Variants in CRACDL observed in about 807,000 individuals in gnomAD.
CRACDL encodes the protein CRACD-like protein.
In CRACDL, 26 loss-of-function variants were observed where a neutral mutation model predicts 70.6. The observed-to-expected ratio is 0.37, with a 90% CI of 0.27 to 0.51. The LOEUF is 0.51. Among genes scored for constraint, CRACDL ranks in the 20% least tolerant of loss-of-function variants. CRACDL has a pLI of 0.94. For missense variants in CRACDL, 1,283 were observed against 1,376.9 expected, an observed-to-expected ratio of 0.93 and a Z score of 1.08; for synonymous variants, 618 against 615.2, an observed-to-expected ratio of 1.00 and a Z score of -0.07.
chr2:98,934,323 C>T (rs1709155851), intron 1 of CRACDL, among the ~76,000 whole-genome samples: 1 of 151,728 alleles, frequency 6.6e-6, no homozygotes, highest in African/African-American at 2.4e-5. Flanking sequence ...CTCGGCCTCC[C>T]GAGTAGCTGG....
chr2:98,826,792 C>T (rs1169765274), intron 6 of CRACDL, among the ~76,000 whole-genome samples, 183 bp downstream of exon 6: 1 of 151,932 alleles, frequency 6.6e-6, no homozygotes, highest in Non-Finnish European at 1.5e-5. Flanking sequence ...AAGGGAGAGA[C>T]AGATCTGGTT....
chr2:98,877,606 G>A (rs192189818), intron 1 of CRACDL, among the ~76,000 whole-genome samples: 201 of 152,084 alleles, frequency 1.3e-3, no homozygotes, highest in Admixed American at 2.4e-3. Context: ...AAAATTAGCC[G>A]GGTATGGTGG....
At chr2:98,802,685 T>G (rs761826031) in intron 7 of CRACDL, among the ~76,000 whole-genome samples, 1 of 152,362 alleles carries the variant, frequency 6.6e-6, no homozygotes, top group East Asian at 1.9e-4. Context: ...ACTTCTGCTA[T>G]GACGAGTTGA....
At chr2:98,911,246 G>A (rs1708541277) in intron 1 of CRACDL, among the ~76,000 whole-genome samples, 1 of 152,216 alleles carries the variant, frequency 6.6e-6, no homozygotes, top group Admixed American at 6.5e-5. Context: ...GCTCAAGCGA[G>A]ACTGCTGGGT....
chr2:98,797,110 C>T (rs1703856017), intron 8 of CRACDL, among the ~76,000 whole-genome samples: 1 of 152,242 alleles, frequency 6.6e-6, no homozygotes, highest in Admixed American at 6.5e-5. Flanking sequence ...TCACATGCTT[C>T]TCTGCATCCC....
At chr2:98,795,355 C>T (rs377000786) in intron 9 of CRACDL, among the ~76,000 whole-genome samples, 5 of 151,864 alleles carry the variant, frequency 3.3e-5, no homozygotes, top group African/African-American at 9.7e-5. Flanking sequence ...GGATTACAAG[C>T]GTAAGCCATG....
In CRACDL at chr2:98,936,011, G is replaced by C. The variant is rs1397607934; in HGVS notation, c.-84C>G. The C allele has an allele frequency of 6.6e-6, 1 of 152,044 alleles. No homozygotes were observed. Among genetic ancestry groups the C allele is most frequent in the Non-Finnish European group, 1.5e-5 (1 of 67,980 alleles). The allele number at this position is 152,044 out of a possible 1,614,324, so 9.4% of individuals were successfully genotyped here. A position where few individuals can be genotyped will look rare whatever the true frequency, so the allele number is the denominator to read the frequency against. ...ACCTTCCGCGGGGTGCGGCGAGCCG[G>C]GGCTGCTCCCGCCGCGGTGCGCGTC... On this transcript the variant is annotated 5_prime_UTR_variant, in exon 1 of 10. Transcript: ENST00000397899.
At chr2:98,885,062 A>G (rs1265087188) in intron 1 of CRACDL, among the ~76,000 whole-genome samples, 1 of 152,174 alleles carries the variant, frequency 6.6e-6, no homozygotes, top group Non-Finnish European at 1.5e-5. Flanking sequence ...GGGCATAGAA[A>G]GGTGTAGGAG....
At chr2:98,836,761 C>T (rs907000548) in intron 3 of CRACDL, among the ~76,000 whole-genome samples, 29 of 152,142 alleles carry the variant, frequency 1.9e-4, no homozygotes, top group African/African-American at 6.0e-4. Context: ...ACATCTCGTT[C>T]CCCAAGAGTT....
chr2:98,851,375 C>A (rs890853090), intron 1 of CRACDL, among the ~76,000 whole-genome samples: 1 of 152,178 alleles, frequency 6.6e-6, no homozygotes, highest in African/African-American at 2.4e-5. Context: ...CCTTTCAGAT[C>A]TTTGAATATC....
chr2:98,849,393 GCC>G (rs1706389738), intron 1 of CRACDL, among the ~76,000 whole-genome samples: 1 of 152,202 alleles, frequency 6.6e-6, no homozygotes, highest in African/African-American at 2.4e-5. Context: ...CAAGGTGAGT[GCC>G]AGAGGTGTGT....
At chr2:98,907,821 G>A (rs1475974727) in intron 1 of CRACDL, among the ~76,000 whole-genome samples, 1 of 152,218 alleles carries the variant, frequency 6.6e-6, no homozygotes, top group East Asian at 1.9e-4. Context: ...GGGATTGGAA[G>A]TCTGATTACA....
At chr2:98,845,125 C>A (rs57630041) in intron 2 of CRACDL, among the ~76,000 whole-genome samples, 1 of 152,048 alleles carries the variant, frequency 6.6e-6, no homozygotes, top group Non-Finnish European at 1.5e-5. Context: ...GGTAAATGAT[C>A]TAAGGGCAAA....
At chr2:98,818,572 C>T (rs529903566) in intron 7 of CRACDL, among the ~76,000 whole-genome samples, 1 of 152,214 alleles carries the variant, frequency 6.6e-6, no homozygotes, top group Non-Finnish European at 1.5e-5. Flanking sequence ...GCCACCACAA[C>T]AGCAAATATT....
intron 1 of CRACDL, among the ~76,000 whole-genome samples, chr2:98,850,715 C>T (rs1411028947): frequency 6.6e-6 from 1 of 152,206 alleles, no homozygotes; most frequent in Non-Finnish European, 1.5e-5. Context: ...CCTCCAGGCC[C>T]TGCTGCGGGG....
At chr2:98,916,879 C>T (rs1215603740) in intron 1 of CRACDL, among the ~76,000 whole-genome samples, 2 of 152,178 alleles carry the variant, frequency 1.3e-5, no homozygotes, top group Non-Finnish European at 2.9e-5. Context: ...AGCACCTGTC[C>T]TTCGGTATAC....
intron 1 of CRACDL, among the ~76,000 whole-genome samples, chr2:98,898,183 T>C (rs1262466313): frequency 6.6e-6 from 1 of 152,210 alleles, no homozygotes; most frequent in African/African-American, 2.4e-5. Context: ...GTCCCTTGAC[T>C]GGAATGTGAA....
rs781289199 is a variant in CRACDL at position 98,822,221 on chromosome 2, G to A, written c.2052C>T (p.Val684=). The A allele has an allele frequency of 6.2e-7, 1 of 1,607,414 alleles. No individual in the cohort carries two copies. Among genetic ancestry groups the A allele is most frequent in the Admixed American group, 1.7e-5 (1 of 59,936 alleles). ...GCGAGAGGGAGGTGGACCGGAGCTT[G>A]ACGGGGAAGGGGTTTCTGTCCTCAC... is the stretch of plus-strand genomic sequence containing the variant. ...APSEDRNPFP[V]KLRSTSLSLK... Residue 684 remains valine (V), a synonymous_variant, in exon 7 of 10, where the codon GTC becomes GTT. Coordinates refer to ENST00000397899, the MANE Select transcript of CRACDL (RefSeq NM_207362.3). The surrounding 1 kb of genome is among the most constrained non-coding windows in gnomAD (Gnocchi z 4.9).
At chr2:98,882,313 G>C (rs1215574035) in intron 1 of CRACDL, among the ~76,000 whole-genome samples, 2 of 152,230 alleles carry the variant, frequency 1.3e-5, no homozygotes. Context: ...TTAATACATA[G>C]TATGGCCCAA....
Sources: gnomAD v4.1 joint callset for allele counts (sites outside exome capture counted in the v4.1 genomes callset) on GRCh38, gnomAD v4.1.1 for gene constraint, Gnocchi (gnomAD v3.1) non-coding constraint, MANE v1.5 for transcripts, NCBI Gene and HGNC (gene_info 2026-07-23, HGNC 2026-07-21) for gene names.